The following ARMC9 variants were observed in gnomAD, a reference collection of about 807,000 sequenced individuals.
ARMC9 encodes the protein armadillo repeat containing 9.
ARMC9 carries 94 observed loss-of-function variants against 107.0 expected under a neutral mutation model. The ratio of observed to expected loss-of-function variants is 0.88; its 90% CI spans 0.74 to 1.04. The LOEUF (loss-of-function observed/expected upper bound fraction) is 1.04. Ranked by LOEUF, ARMC9 falls within the 50% of genes least tolerant of loss-of-function variation. ARMC9 has a pLI of 0.00. For missense variants in ARMC9, 942 were observed against 1,030.1 expected (o/e 0.91, Z 1.17); for synonymous variants, 380 against 396.9 (o/e 0.96, Z 0.51).
intron 1 of ARMC9, among the ~76,000 whole-genome samples, chr2:231,203,948 G>A (rs577610292): frequency 4.0e-5 from 6 of 150,948 alleles, no homozygotes; most frequent in Non-Finnish European, 7.4e-5. Flanking sequence ...CAACAACAGC[G>A]AGACTCTGTC....
intron 24 of ARMC9, among the ~76,000 whole-genome samples, 186 bp from the exon 25 acceptor site, chr2:231,371,327 A>G (rs2046012705): frequency 6.6e-6 from 1 of 152,168 alleles, no homozygotes; most frequent in South Asian, 2.1e-4. Flanking sequence ...GACCCGCACC[A>G]AGCAGCCTGC....
Position 231,314,324 on chromosome 2 carries a change from C to T in ARMC9, c.1774-17469C>T, listed in dbSNP as rs189042485. Among the ~76,000 whole-genome samples the T allele has an allele frequency of 4.0e-3, 612 of 152,182 alleles. 2 individuals are homozygous for T. Among genetic ancestry groups the T allele is most frequent in the African/African-American group, 0.014 (573 of 41,526 alleles). On this transcript the variant is annotated intron_variant, in intron 19 of 24. Coordinates refer to ENST00000611582, the MANE Select transcript of ARMC9 (RefSeq NM_001352754.2). The stretch of plus-strand genomic sequence containing the variant: ...GAACTCCCGACCTCAGCTGATCCGC[C>T]GCCTTGGCCTCCCAAAGTGCTGGGA...
At chr2:231,331,921 G>T (rs891480615) in intron 20 of ARMC9, 24 bp downstream of exon 20, 11 of 1,579,938 alleles carry the variant, frequency 7.0e-6, no homozygotes, top group Non-Finnish European at 9.6e-6. Context: ...AAAGGGTGGG[G>T]ATCCTGAAAC....
At chr2:231,207,965 T>C (rs2032271358) in intron 2 of ARMC9, among the ~76,000 whole-genome samples, 162 bp from the exon 3 acceptor site, 1 of 152,254 alleles carries the variant, frequency 6.6e-6, no homozygotes, top group African/African-American at 2.4e-5. Flanking sequence ...GTGGTTTTGA[T>C]TTGCATTTCT....
intron 22 of ARMC9, among the ~76,000 whole-genome samples, chr2:231,357,554 C>T (rs1373915324): frequency 6.6e-6 from 1 of 150,934 alleles, no homozygotes; most frequent in Admixed American, 6.6e-5. Flanking sequence ...CACCCCTAGT[C>T]CTCCTTTTAT....
chr2:231,266,335 G>T (rs554572150), intron 12 of ARMC9, among the ~76,000 whole-genome samples: 8 of 152,212 alleles, frequency 5.3e-5, no homozygotes, highest in African/African-American at 1.9e-4. Context: ...GATGCGTTGA[G>T]AATTACAGCT....
rs572841127 is a variant in ARMC9 at position 231,315,380 on chromosome 2, T to C, written c.1774-16413T>C. 1.2e-4 allele frequency among the ~76,000 whole-genome samples: 18 copies of C among 149,306 alleles called. No individual in the cohort carries two copies. In the East Asian group the frequency reaches 3.2e-3, roughly 26 times the overall value. ...GGTGAAACCCCATCTCTACTAAAAA[T>C]ACAAAAAAATTAGCCAGGCGTGGTG... On this transcript the variant is annotated intron_variant, in intron 19 of 24. Coordinates refer to ENST00000611582, the MANE Select transcript of ARMC9 (RefSeq NM_001352754.2).
chr2:231,339,382 A>T (rs1021316876), intron 20 of ARMC9, among the ~76,000 whole-genome samples: 1 of 152,084 alleles, frequency 6.6e-6, no homozygotes, highest in African/African-American at 2.4e-5. Flanking sequence ...TTAAATCAAC[A>T]CCTGTAGAAA....
At chr2:231,338,581 A>G (rs983612976) in intron 20 of ARMC9, among the ~76,000 whole-genome samples, 11 of 138,056 alleles carry the variant, frequency 8.0e-5, no homozygotes, top group Admixed American at 7.9e-4. Flanking sequence ...GCTCTGTCAC[A>G]CAGGCTGGAA....
At chr2:231,213,537 C>T (rs1310403773) in intron 3 of ARMC9, among the ~76,000 whole-genome samples, 3 of 148,862 alleles carry the variant, frequency 2.0e-5, no homozygotes, top group African/African-American at 5.0e-5. Flanking sequence ...AGTGCAGTGG[C>T]GCAATCTCGG....
At chr2:231,250,708 T>C (rs1424151104) in intron 9 of ARMC9, among the ~76,000 whole-genome samples, 1 of 152,052 alleles carries the variant, frequency 6.6e-6, no homozygotes, top group African/African-American at 2.4e-5. Flanking sequence ...GACTAAAGCC[T>C]TGCGGGGGCC....
At chr2:231,314,675 G>A (rs66515441) in intron 19 of ARMC9, among the ~76,000 whole-genome samples, 17,740 of 152,188 alleles carry the variant, frequency 0.12, 2,169 homozygotes, top group East Asian at 0.31. Flanking sequence ...GTTTCTAGAC[G>A]TTGCTAAATG....
rs1293544775 is a variant in ARMC9, at chr2:231,278,301, T to C, written c.1475-81T>C. The C allele has an allele frequency of 3.6e-6, 5 of 1,399,198 alleles. No individual in the cohort carries two copies. In the East Asian group the frequency reaches 9.2e-5, roughly 26 times the overall value. The allele number at this position is 1,399,198 out of a possible 1,614,324, so 86.7% of individuals were successfully genotyped here. A position where few individuals can be genotyped will look rare whatever the true frequency, so the allele number is the denominator to read the frequency against. ...CAGCTCATGAGCAGAGGAGCCAAGATTTGTCTCCAAGTCTACCTGACCTAA... is the reference window on the plus strand; with the variant it reads ...CAGCTCATGAGCAGAGGAGCCAAGACTTGTCTCCAAGTCTACCTGACCTAA... On this transcript the variant is annotated intron_variant, in intron 15 of 24. Coordinates refer to ENST00000611582, the MANE Select transcript of ARMC9 (RefSeq NM_001352754.2).
At chr2:231,313,740 T>C (rs1458253064) in intron 19 of ARMC9, among the ~76,000 whole-genome samples, 2 of 151,878 alleles carry the variant, frequency 1.3e-5, no homozygotes, top group Non-Finnish European at 2.9e-5. Context: ...TGCATGTGGC[T>C]AGTGTTTTCA....
At position 231,360,964 on chromosome 2, in the gene ARMC9, A is replaced by G; in HGVS notation, c.2261+81A>G. 2.1e-6 allele frequency: 3 copies of G among 1,446,740 alleles called. No homozygotes were observed. Among genetic ancestry groups the G allele is most frequent in the Non-Finnish European group, 2.7e-6 (3 of 1,106,274 alleles). 89.6% of individuals were successfully genotyped at this position (1,446,740 alleles called of 1,614,324 possible). ...GCCCCACGCCGGATGCAGAGCACCCAGGAGACCTGGAAGGCTCCTCTGAGG... is the reference window on the plus strand; with the variant it reads ...GCCCCACGCCGGATGCAGAGCACCCGGGAGACCTGGAAGGCTCCTCTGAGG... On this transcript the variant is annotated intron_variant, in intron 23 of 24. Coordinates refer to ENST00000611582, the MANE Select transcript of ARMC9 (RefSeq NM_001352754.2). The surrounding 1 kb of genome is among the most constrained non-coding windows in gnomAD (Gnocchi z 4.7).
At chr2:231,219,605 G>A (rs1473691632) in intron 5 of ARMC9, among the ~76,000 whole-genome samples, 1 of 152,074 alleles carries the variant, frequency 6.6e-6, no homozygotes, top group Non-Finnish European at 1.5e-5. Context: ...TGTTTCTAGG[G>A]ATAGATTTCT....
At chr2:231,259,203 C>A (rs2038112523) in intron 11 of ARMC9, 101 bp downstream of exon 11, 4 of 1,014,232 alleles carry the variant, frequency 3.9e-6, no homozygotes, top group Non-Finnish European at 5.7e-6. Context: ...TTCCAGAAAT[C>A]TTTCTTCCCC....
At chr2:231,233,951 A>G (rs1031675795) in intron 7 of ARMC9, among the ~76,000 whole-genome samples, 2 of 152,158 alleles carry the variant, frequency 1.3e-5, no homozygotes, top group Admixed American at 6.6e-5. Flanking sequence ...TAACCCATCA[A>G]AGCAATTATT....
intron 9 of ARMC9, among the ~76,000 whole-genome samples, chr2:231,241,114 C>CT: frequency 6.6e-6 from 1 of 150,652 alleles, no homozygotes. Flanking sequence ...AGGAGAATCG[C>CT]TTGAACCCGG....
Sources: allele counts gnomAD v4.1 joint callset (sites outside exome capture counted in the v4.1 genomes callset), GRCh38; gene constraint gnomAD v4.1.1; non-coding constraint Gnocchi (gnomAD v3.1); transcripts MANE v1.5; gene names NCBI Gene and HGNC (gene_info 2026-07-23, HGNC 2026-07-21).